Variants in MICAL2 observed in about 807,000 individuals in gnomAD.
MICAL2 encodes the protein microtubule associated monooxygenase, calponin and LIM domain containing 2.
A neutral mutation model predicts 127.3 loss-of-function variants in MICAL2; 77 were observed. The ratio of observed to expected loss-of-function variants is 0.60; its 90% CI spans 0.50 to 0.73. The LOEUF is 0.73. Among genes scored for constraint, MICAL2 ranks in the 30% least tolerant of loss-of-function variants. The pLI, the probability that MICAL2 is intolerant of heterozygous loss-of-function variation, is 0.00. For synonymous variants in MICAL2, 570 were observed against 551.1 expected (o/e 1.03, Z -0.48); for missense variants, 1,351 against 1,434.4 (o/e 0.94, Z 0.94).
chr11:12,149,506 A>G (rs1358500321), intron 2 of MICAL2, among the ~76,000 whole-genome samples: 2 of 152,164 alleles, frequency 1.3e-5, no homozygotes, highest in African/African-American at 4.8e-5. Flanking sequence ...AGATTTTGAG[A>G]GTTCCAGGTG....
rs190302687 is a variant in MICAL2 at position 12,137,654 on chromosome 11, G to A, written c.-148-736G>A. On this transcript the variant is annotated intron_variant, in intron 1 of 27. Transcript: ENST00000683283. ...CACCACTCTGTTGAACAAAGTGTGC[G>A]TATACCTCCCTGGAGTATGAATATT... 1.5e-4 allele frequency among the ~76,000 whole-genome samples: 23 copies of A among 152,204 alleles called. No individual in the cohort carries two copies. The East Asian group carries it at 2.9e-3, about 19-fold the overall frequency.
chr11:12,313,373 A>T (rs1290297262), intron 29 of MICAL2, among the ~76,000 whole-genome samples: 4 of 151,678 alleles, frequency 2.6e-5, no homozygotes, highest in African/African-American at 9.7e-5. Context: ...CCGCGGGGGG[A>T]GAATGAGAGG....
chr11:12,165,802 G>A (rs1287028832), intron 3 of MICAL2, among the ~76,000 whole-genome samples: 3 of 152,262 alleles, frequency 2.0e-5, no homozygotes, highest in African/African-American at 7.2e-5. Context: ...GGAGGTGTCA[G>A]GGGACAAGCA....
intron 2 of MICAL2, among the ~76,000 whole-genome samples, chr11:12,149,783 T>A (rs772618317): frequency 6.6e-6 from 1 of 152,090 alleles, no homozygotes; most frequent in Non-Finnish European, 1.5e-5. Context: ...CAACTGTTGG[T>A]GACACAAGGG....
chr11:12,317,332 C>A (rs1403272618), intron 29 of MICAL2, among the ~76,000 whole-genome samples: 1 of 152,158 alleles, frequency 6.6e-6, no homozygotes, highest in East Asian at 1.9e-4. Context: ...CTGTTCTTGC[C>A]TTTATCACAG....
chr11:12,189,617 C>T lies in MICAL2; in HGVS notation c.265-14633C>T, dbSNP rs145912800. ...CCACCCCCACTACCTCCACCACCTTCCTGATTTTGAGCTGGAGACTCAGTT... is the reference window on the plus strand; with the variant it reads ...CCACCCCCACTACCTCCACCACCTTTCTGATTTTGAGCTGGAGACTCAGTT... On this transcript the variant is annotated intron_variant, in intron 3 of 27. Coordinates refer to ENST00000683283, the MANE Select transcript of MICAL2 (RefSeq NM_001282663.2). Among the ~76,000 whole-genome samples, 860 of 152,344 alleles carry T rather than the reference C, an allele frequency of 5.6e-3. 12 individuals are homozygous for T. Among genetic ancestry groups the T allele is most frequent in the African/African-American group, 0.02 (840 of 41,580 alleles).
Position 12,220,421 on chromosome 11 carries a change from A to T in MICAL2, c.1169A>T (p.Gln390Leu). The T allele has an allele frequency of 6.2e-7, 1 of 1,612,344 alleles. No individual in the cohort carries two copies. Among genetic ancestry groups the T allele is most frequent in the Non-Finnish European group, 8.5e-7 (1 of 1,180,026 alleles). The change falls in exon 9 of 28, where the codon CAG (glutamine) becomes CTG (leucine). Residue 390 changes from glutamine to leucine, a missense_variant. By Grantham distance (113) the Gln-to-Leu change is moderately radical (BLOSUM62 -2). Coordinates refer to ENST00000683283, the MANE Select transcript of MICAL2 (RefSeq NM_001282663.2). ...AALVRERQAH[Q>L]LLVALVGDSL... Reference sequence around the variant, plus strand: ...CTGGTGCGGGAGCGGCAGGCGCACCAGCTGCTCGTGGCCCTTGTGGGTGAC... The same window carrying T: ...CTGGTGCGGGAGCGGCAGGCGCACCTGCTGCTCGTGGCCCTTGTGGGTGAC...
rs368540770 is a variant in MICAL2 at position 12,208,154 on chromosome 11, T to G, written c.589+15T>G. The G allele has an allele frequency of 1.6e-5, 26 of 1,588,812 alleles. No homozygotes were observed. The African/African-American group carries it at 3.2e-4, about 20-fold the overall frequency. On this transcript the variant is annotated intron_variant, in intron 5 of 27. Coordinates refer to ENST00000683283, the MANE Select transcript of MICAL2 (RefSeq NM_001282663.2). ...AGAAAATCAAAGTACAGTATAATTT[T>G]CTTTTTCTGCCTAGAAAGCAGATAC...
chr11:12,281,120 G>A (rs576146132), intron 2 of MICAL2: 1 of 398,512 alleles, frequency 2.5e-6, no homozygotes, highest in African/African-American at 2.1e-5. Flanking sequence ...AGCCCACCAG[G>A]CTTGATTCTG....
chr11:12,175,038 G>A (rs1355731853), intron 3 of MICAL2, among the ~76,000 whole-genome samples: 3 of 152,008 alleles, frequency 2.0e-5, no homozygotes, highest in Non-Finnish European at 4.4e-5. Flanking sequence ...TGGGAGGATC[G>A]CTTGAGCCTG....
intron 2 of MICAL2, among the ~76,000 whole-genome samples, chr11:12,145,167 A>G (rs975778690): frequency 6.6e-6 from 1 of 152,132 alleles, no homozygotes; most frequent in African/African-American, 2.4e-5. Context: ...GGCACATGGT[A>G]ATCAGTGTTG....
At chr11:12,141,169 T>C (rs556830513) in intron 2 of MICAL2, among the ~76,000 whole-genome samples, 8 of 152,334 alleles carry the variant, frequency 5.3e-5, no homozygotes, top group African/African-American at 1.9e-4. Context: ...TGTTAGACTC[T>C]TGAGGTCAAC....
At chr11:12,330,113 G>A (rs1864399285) in intron 32 of MICAL2, among the ~76,000 whole-genome samples, 1 of 152,094 alleles carries the variant, frequency 6.6e-6, no homozygotes, top group South Asian at 2.1e-4. Flanking sequence ...ACGGGAGAGT[G>A]GCCTCAAAAG....
chr11:12,294,827 CCTCCTCCTCCTCCTA>C (rs781337177), downstream of MICAL2: 132 of 1,517,718 alleles, frequency 8.7e-5, 1 homozygote, highest in South Asian at 1.3e-4. Context: ...TCCTCCTCCT[CCTCCTCCTCCTCCTA>C]CAGCGGGAGG....
At chr11:12,239,326 G>T in intron 16 of MICAL2, 110 bp from the exon 17 acceptor site, 1 of 1,449,208 alleles carries the variant, frequency 6.9e-7, no homozygotes, top group South Asian at 1.2e-5. Flanking sequence ...TCAGACCATG[G>T]AGGGAGCCCT....
intron 25 of MICAL2, among the ~76,000 whole-genome samples, chr11:12,258,823 G>T (rs954457187): frequency 3.3e-5 from 5 of 152,252 alleles, no homozygotes; most frequent in African/African-American, 1.2e-4. Context: ...TTGCCCATGT[G>T]GCAGGGATGG....
At chr11:12,226,446 A>C in intron 14 of MICAL2, 76 bp downstream of exon 14, 1 of 1,461,732 alleles carries the variant, frequency 6.8e-7, no homozygotes, top group Admixed American at 1.8e-5. Context: ...GCTGCTCCTA[A>C]CACTGTATGG....
chr11:12,180,807 T>A, intron 3 of MICAL2, among the ~76,000 whole-genome samples: 1 of 151,820 alleles, frequency 6.6e-6, no homozygotes, highest in East Asian at 1.9e-4. Flanking sequence ...GTGGAGAAAA[T>A]GGGAAAGATA....
At chr11:12,199,716 T>G (rs1294292221) in intron 3 of MICAL2, among the ~76,000 whole-genome samples, 2 of 152,202 alleles carry the variant, frequency 1.3e-5, no homozygotes, top group Non-Finnish European at 2.9e-5. Context: ...GTGTCCTGAC[T>G]GTGGGCTAGT....
Sources: allele counts gnomAD v4.1 joint callset (sites outside exome capture counted in the v4.1 genomes callset), GRCh38; gene constraint gnomAD v4.1.1; transcripts MANE v1.5; gene names NCBI Gene and HGNC (gene_info 2026-07-23, HGNC 2026-07-21).